The following CHGA variants were observed in gnomAD, a reference collection of about 807,000 sequenced individuals.
CHGA encodes the protein chromogranin-A.
A neutral mutation model predicts 54.4 loss-of-function variants in CHGA; 41 were observed. The observed-to-expected ratio is 0.75, with a 90% CI of 0.59 to 0.98. The LOEUF is 0.98. Ranked by LOEUF, CHGA falls within the 50% of genes least tolerant of loss-of-function variation. The pLI is 0.00. For missense variants in CHGA, 576 were observed against 582.3 expected (o/e 0.99, Z 0.11); for synonymous variants, 249 against 232.8 (o/e 1.07, Z -0.63).
At position 92,932,863 on chromosome 14, in the gene CHGA, G is replaced by A; in HGVS notation, c.1290+12G>A. On this transcript the variant is annotated intron_variant, in intron 7 of 7. Transcript: ENST00000216492. The surrounding 1 kb of genome is among the most constrained non-coding windows in gnomAD (Gnocchi z 5.3). ...ACCGCAGACCAGAGGTTGGTATGGG[G>A]CGGGAGCCAGCTCTGTGCCAGGCCA... 6.8e-7 allele frequency: 1 copy of A among 1,469,550 alleles called. No individual in the cohort carries two copies. Among genetic ancestry groups the A allele is most frequent in the Non-Finnish European group, 9.0e-7 (1 of 1,107,754 alleles). 91.0% of individuals were successfully genotyped at this position (1,469,550 alleles called of 1,614,324 possible).
chr14:92,934,960 G>A lies in CHGA; in HGVS notation c.*76G>A. 1 of 1,285,602 alleles carries A rather than the reference G, an allele frequency of 7.8e-7. No individual in the cohort carries two copies. The highest frequency in any genetic ancestry group is 1.5e-5 in the African/African-American group (1 of 64,974). The allele number at this position is 1,285,602 out of a possible 1,614,324, so 79.6% of individuals were successfully genotyped here. A position where few individuals can be genotyped will look rare whatever the true frequency, so the allele number is the denominator to read the frequency against. ...CTGTCCCCTTGGCAGGTCCTGGCCA[G>A]ATGGCCCGGATGCTGCTTCCGGTAG... On this transcript the variant is annotated 3_prime_UTR_variant, in exon 8 of 8. Coordinates refer to ENST00000216492, the MANE Select transcript of CHGA (RefSeq NM_001275.4).
In CHGA at chr14:92,923,301, T is replaced by C; in HGVS notation, c.-59T>C. On this transcript the variant is annotated 5_prime_UTR_variant, in exon 1 of 8. Transcript: ENST00000216492. The stretch of plus-strand genomic sequence containing the variant: ...CCCCGGCCGCCAGTCCAGCCGCCCC[T>C]CGCCCGGTGCCTAGGTGCCCGGCCC... 1 of 1,284,852 alleles carries C rather than the reference T, an allele frequency of 7.8e-7. No homozygotes were observed. Among genetic ancestry groups the C allele is most frequent in the Non-Finnish European group, 9.8e-7 (1 of 1,018,964 alleles). The allele number at this position is 1,284,852 out of a possible 1,614,324, so 79.6% of individuals were successfully genotyped here. A position where few individuals can be genotyped will look rare whatever the true frequency, so the allele number is the denominator to read the frequency against.
intron 7 of CHGA, chr14:92,933,129 G>GAAAAA (rs1887048782): frequency 7.9e-6 from 3 of 379,714 alleles, no homozygotes; most frequent in African/African-American, 6.1e-5. Context: ...GCAGTAGGGT[G>GAAAAA]CCCTGGAAAA....
At chr14:92,929,486 G>A (rs1886951743) in intron 4 of CHGA, among the ~76,000 whole-genome samples, 1 of 152,242 alleles carries the variant, frequency 6.6e-6, no homozygotes, top group Admixed American at 6.5e-5. Context: ...GCCTCCCAGG[G>A]AGAAGCTGAG....
rs937105488 is a variant in CHGA at position 92,926,720 on chromosome 14, T to C, written c.187+22T>C. 7 of 1,597,536 alleles carry C rather than the reference T, an allele frequency of 4.4e-6. No individual in the cohort carries two copies. In the Admixed American group the frequency reaches 1.2e-4, roughly 27 times the overall value. Reference sequence around the variant, plus strand: ...GGAGGTATGAGCTGGAGGCTAGGGGTGAGGGCTGCTGCCTGCTGGGCTGGG... The same window carrying C: ...GGAGGTATGAGCTGGAGGCTAGGGGCGAGGGCTGCTGCCTGCTGGGCTGGG... On this transcript the variant is annotated intron_variant, in intron 3 of 7. Coordinates refer to ENST00000216492, the MANE Select transcript of CHGA (RefSeq NM_001275.4).
chr14:92,926,593 C>T lies in CHGA; in HGVS notation c.94-12C>T. On this transcript the variant is annotated splice_polypyrimidine_tract_variant and intron_variant, in intron 2 of 7. Transcript: ENST00000216492. ...AAACCAGCCCCAACCTGCCCCTGCACTGTGTTCCCAGGTGATGAAATGCAT... is the reference window on the plus strand; with the variant it reads ...AAACCAGCCCCAACCTGCCCCTGCATTGTGTTCCCAGGTGATGAAATGCAT... 6.2e-7 allele frequency: 1 copy of T among 1,613,488 alleles called. No homozygotes were observed. Among genetic ancestry groups the T allele is most frequent in the Non-Finnish European group, 8.5e-7 (1 of 1,179,644 alleles).
rs1348465628 is a variant in CHGA at position 92,932,845 on chromosome 14, A to G, written c.1284A>G (p.Arg428=). The G allele has an allele frequency of 6.7e-7, 1 of 1,490,074 alleles. No homozygotes were observed. The highest frequency in any genetic ancestry group is 2.4e-5 in the East Asian group (1 of 41,466). 92.3% of individuals were successfully genotyped at this position (1,490,074 alleles called of 1,614,324 possible). A position where few individuals can be genotyped will look rare whatever the true frequency, so the allele number is the denominator to read the frequency against. Residue 428 remains arginine, a synonymous_variant, in exon 7 of 8, where the codon AGA becomes AGG. Transcript: ENST00000216492. The surrounding 1 kb of genome is among the most constrained non-coding windows in gnomAD (Gnocchi z 5.3). ...KKEEEGSANR[R]PEDQELESLS... Reference sequence around the variant, plus strand: ...AGGAGGAGGGCAGCGCAAACCGCAGACCAGAGGTTGGTATGGGGCGGGAGC... The same window carrying G: ...AGGAGGAGGGCAGCGCAAACCGCAGGCCAGAGGTTGGTATGGGGCGGGAGC...
In CHGA at chr14:92,932,566, G is replaced by C; in HGVS notation, c.1005G>C (p.Glu335Asp). 6.4e-7 allele frequency: 1 copy of C among 1,559,786 alleles called. No individual in the cohort carries two copies. Residue 335 changes from glutamate to aspartate, a missense_variant, in exon 7 of 8, where the codon GAG becomes GAC. Glu to Asp is a conservative substitution (Grantham distance 45, BLOSUM62 2). Transcript: ENST00000216492. The surrounding 1 kb of genome is among the most constrained non-coding windows in gnomAD (Gnocchi z 5.3). ...LEQEEERLSK[E>D]WEDSKRWSKM... Reference sequence around the variant, plus strand: ...AGGAGGAGGAGCGGCTCTCCAAGGAGTGGGAGGACTCCAAACGCTGGAGCA... The same window carrying C: ...AGGAGGAGGAGCGGCTCTCCAAGGACTGGGAGGACTCCAAACGCTGGAGCA...
At position 92,927,543 on chromosome 14, in the gene CHGA, A is replaced by G. The variant is rs1440439113; in HGVS notation, c.188-7A>G. ...AAACCACCCATGATGACTCTTCTTC[A>G]TTGCAGATGAACGGATCCTTTCCAT... On this transcript the variant is annotated splice_polypyrimidine_tract_variant and splice_region_variant and intron_variant, in intron 3 of 7. Transcript: ENST00000216492. The G allele has an allele frequency of 2.5e-6, 4 of 1,611,706 alleles. No homozygotes were observed. The highest frequency in any genetic ancestry group is 1.7e-5 in the Admixed American group (1 of 59,734).
Position 92,935,157 on chromosome 14 carries a change from T to C in CHGA, c.*273T>C. The C allele has an allele frequency of 2.2e-6, 1 of 459,352 alleles. No homozygotes were observed. The allele number at this position is 459,352 out of a possible 1,614,324, so 28.5% of individuals were successfully genotyped here. ...CAGGCAGCTTTCTAGAAGTTTCCCT[T>C]CCTCCATCCTATCCACTGGGCACAA... is the stretch of plus-strand genomic sequence containing the variant. On this transcript the variant is annotated 3_prime_UTR_variant, in exon 8 of 8. Coordinates refer to ENST00000216492, the MANE Select transcript of CHGA (RefSeq NM_001275.4).
intron 2 of CHGA, chr14:92,926,388 G>GAT: frequency 9.0e-6 from 5 of 558,476 alleles, no homozygotes; most frequent in Admixed American, 6.0e-5. Context: ...GGTTGGAGTG[G>GAT]CTGACACATG....
intron 2 of CHGA, among the ~76,000 whole-genome samples, chr14:92,925,295 C>T (rs1004042649): frequency 2.0e-5 from 3 of 152,176 alleles, no homozygotes; most frequent in African/African-American, 7.2e-5. Flanking sequence ...ACCCTCTACC[C>T]AATTCCTGCC....
chr14:92,923,497 A>T, intron 1 of CHGA, 92 bp downstream of exon 1: 1 of 1,117,328 alleles, frequency 8.9e-7, no homozygotes, highest in East Asian at 3.3e-5. Flanking sequence ...GCACCCCTCC[A>T]CACTTCCCTT....
At chr14:92,924,854 G>A (rs1052614741) in intron 2 of CHGA, among the ~76,000 whole-genome samples, 2 of 152,144 alleles carry the variant, frequency 1.3e-5, no homozygotes, top group Admixed American at 1.3e-4. Flanking sequence ...CACCACGCTG[G>A]GTGTGTACTT....
At chr14:92,922,902 G>A (rs1886809936), upstream of CHGA, among the ~76,000 whole-genome samples, 1 of 152,232 alleles carries the variant, frequency 6.6e-6, no homozygotes, top group African/African-American at 2.4e-5. Flanking sequence ...CGGTGGAATC[G>A]TCGAGGGGTG....
At chr14:92,925,506 G>A (rs1233096955) in intron 2 of CHGA, among the ~76,000 whole-genome samples, 3 of 152,130 alleles carry the variant, frequency 2.0e-5, no homozygotes, top group Admixed American at 6.6e-5. Context: ...GATTCTATAC[G>A]AGGTTGTTGT....
intron 4 of CHGA, among the ~76,000 whole-genome samples, chr14:92,929,124 G>A (rs1886943017): frequency 6.6e-6 from 1 of 152,264 alleles, no homozygotes; most frequent in Non-Finnish European, 1.5e-5. Flanking sequence ...GGCAGCGGCG[G>A]CGGGGGGAGA....
chr14:92,925,877 G>C (rs370284355), intron 2 of CHGA, among the ~76,000 whole-genome samples: 1 of 152,180 alleles, frequency 6.6e-6, no homozygotes, highest in South Asian at 2.1e-4. Context: ...CCACATTACG[G>C]TGGGCACCAT....
At chr14:92,927,726 T>A in intron 4 of CHGA, 108 bp downstream of exon 4, 1 of 903,044 alleles carries the variant, frequency 1.1e-6, no homozygotes, top group Non-Finnish European at 1.7e-6. Context: ...CATTTCCTTT[T>A]AATTATAAAG....
Sources: gnomAD v4.1 joint callset for allele counts (sites outside exome capture counted in the v4.1 genomes callset) on GRCh38, gnomAD v4.1.1 for gene constraint, Gnocchi (gnomAD v3.1) non-coding constraint, MANE v1.5 for transcripts, NCBI Gene and HGNC (gene_info 2026-07-23, HGNC 2026-07-21) for gene names.